ZNF771: variants seen among roughly 807,000 people sequenced by gnomAD.
The protein encoded by ZNF771 is zinc finger protein 771, also known as mesenchymal stem cell protein DSC43.
ZNF771 carries 10 observed loss-of-function variants against 27.6 expected under a neutral mutation model. The observed-to-expected ratio is 0.36, with a 90% CI of 0.22 to 0.61. The LOEUF (loss-of-function observed/expected upper bound fraction) is 0.61. ZNF771 is among the 20% of genes least tolerant of loss of function. The probability of loss-of-function intolerance (pLI) is 0.70; values close to 1 mark genes in which losing one functional copy is unlikely to be tolerated. For synonymous variants in ZNF771, 261 were observed against 225.2 expected (o/e 1.16, Z -1.43); for missense variants, 438 against 503.7 (o/e 0.87, Z 1.25).
chr16:30,413,669 A>C (rs1270527948), intron 2 of ZNF771: 1 of 369,052 alleles, frequency 2.7e-6, no homozygotes, highest in Non-Finnish European at 5.6e-6. Flanking sequence ...TCTTGGGCTC[A>C]AGTGATCCTC....
Position 30,408,066 on chromosome 16 carries a change from C to G in ZNF771, c.13C>G (p.Gln5Glu). The G allele has an allele frequency of 6.3e-7, 1 of 1,594,560 alleles. No individual in the cohort carries two copies. Among genetic ancestry groups the G allele is most frequent in the Non-Finnish European group, 8.5e-7 (1 of 1,170,812 alleles). The change falls in exon 2 of 3, where the codon CAG becomes GAG. Residue 5 changes from glutamine to glutamate, a missense_variant. By Grantham distance (29) the Gln-to-Glu change is conservative. Transcript: ENST00000319296. ...TCAGGACACCAAGATGCCTGGCGAA[C>G]AGCAGGCAGAGGAAGAGGAGGAGGA... MPGEQQAEEEEEEEM... is the reference protein window; with the variant it reads MPGEEQAEEEEEEEM...
intron 2 of ZNF771, among the ~76,000 whole-genome samples, chr16:30,411,752 C>T (rs2050104933): frequency 6.6e-6 from 1 of 152,138 alleles, no homozygotes; most frequent in African/African-American, 2.4e-5. Flanking sequence ...CGATCGTTAG[C>T]TTGCTGTGGG....
In ZNF771 at chr16:30,418,320, A is replaced by G; in HGVS notation, c.907A>G (p.Thr303Ala). Residue 303 changes from threonine to alanine, a missense_variant, in exon 3 of 3, where the codon ACG becomes GCG. Coordinates refer to ENST00000319296, the MANE Select transcript of ZNF771 (RefSeq NM_001142305.2). ...GGACTTCAAGCTGCCCCCTGGCGCC[A>G]CGGCCGCCACTGCCACCGAGCGTTG... ...GRDFKLPPGATAATATERCPE... is the reference protein window; with the variant it reads ...GRDFKLPPGAAAATATERCPE... The G allele has an allele frequency of 2.0e-6, 3 of 1,482,316 alleles. No individual in the cohort carries two copies. The highest frequency in any genetic ancestry group is 3.4e-4 in the Middle Eastern group (2 of 5,810). The allele number at this position is 1,482,316 out of a possible 1,614,324, so 91.8% of individuals were successfully genotyped here.
At chr16:30,410,775 T>A (rs1304199856) in intron 2 of ZNF771, among the ~76,000 whole-genome samples, 1 of 148,240 alleles carries the variant, frequency 6.7e-6, no homozygotes, top group Non-Finnish European at 1.5e-5. Context: ...ATCCTAGCAC[T>A]TTGGAAAGCC....
At chr16:30,415,439 A>G in intron 2 of ZNF771, among the ~76,000 whole-genome samples, 2 of 136,092 alleles carry the variant, frequency 1.5e-5, no homozygotes, top group Non-Finnish European at 3.0e-5. Flanking sequence ...GGCTGGAGGC[A>G]GTGGTGCAAT....
At chr16:30,411,615 G>A (rs939764255) in intron 2 of ZNF771, among the ~76,000 whole-genome samples, 3 of 152,190 alleles carry the variant, frequency 2.0e-5, no homozygotes, top group Non-Finnish European at 4.4e-5. Context: ...TGGGGTAATA[G>A]AGTAAGACCC....
At chr16:30,415,236 G>A (rs2050127292) in intron 2 of ZNF771, among the ~76,000 whole-genome samples, 1 of 151,926 alleles carries the variant, frequency 6.6e-6, no homozygotes, top group Admixed American at 6.6e-5. Flanking sequence ...GGGATTACAG[G>A]TGTGAACCAC....
At chr16:30,408,742 A>C (rs1413900835) in intron 2 of ZNF771, among the ~76,000 whole-genome samples, 1 of 152,180 alleles carries the variant, frequency 6.6e-6, no homozygotes, top group East Asian at 1.9e-4. Flanking sequence ...AGGATGGCTT[A>C]TGTGAGACTA....
At chr16:30,416,384 A>G (rs972940973) in intron 2 of ZNF771, among the ~76,000 whole-genome samples, 2 of 151,906 alleles carry the variant, frequency 1.3e-5, no homozygotes, top group African/African-American at 2.4e-5. Context: ...TCCCCTCTCA[A>G]CTTGCTCCTC....
At chr16:30,412,738 G>A (rs1345838159) in intron 2 of ZNF771, among the ~76,000 whole-genome samples, 1 of 152,044 alleles carries the variant, frequency 6.6e-6, no homozygotes, top group African/African-American at 2.4e-5. Flanking sequence ...GCTGCAGTGA[G>A]CCGTGATCAT....
At position 30,417,866 on chromosome 16, in the gene ZNF771, C is replaced by T; in HGVS notation, c.453C>T (p.His151=). ...HTGEKPYACA[H]CGRRFAQSSN... ...GCGAGAAGCCGTACGCATGCGCGCA[C>T]TGCGGCCGCCGCTTCGCGCAGAGCT... The change falls in exon 3 of 3, where the codon CAC becomes CAT. Residue 151 remains histidine, a synonymous_variant. Coordinates refer to ENST00000319296, the MANE Select transcript of ZNF771 (RefSeq NM_001142305.2). 1 of 1,503,600 alleles carries T rather than the reference C, an allele frequency of 6.7e-7. No individual in the cohort carries two copies. The highest frequency in any genetic ancestry group is 1.5e-5 in the African/African-American group (1 of 68,804). The allele number at this position is 1,503,600 out of a possible 1,614,324, so 93.1% of individuals were successfully genotyped here.
chr16:30,416,197 C>T (rs1024085478), intron 2 of ZNF771, among the ~76,000 whole-genome samples: 13 of 152,180 alleles, frequency 8.5e-5, no homozygotes, highest in Admixed American at 6.5e-4. Context: ...CCTGGCTTCT[C>T]CCCATCTTGC....
chr16:30,409,191 G>T (rs1276420980), intron 2 of ZNF771, among the ~76,000 whole-genome samples: 2 of 150,416 alleles, frequency 1.3e-5, no homozygotes, highest in South Asian at 2.1e-4. Flanking sequence ...GGCCAGACTG[G>T]TCTCAAACTC....
intron 2 of ZNF771, among the ~76,000 whole-genome samples, chr16:30,413,275 A>ATGCTTG (rs1156650962): frequency 6.6e-6 from 1 of 152,220 alleles, no homozygotes; most frequent in African/African-American, 2.4e-5. Flanking sequence ...GTAGAATTTA[A>ATGCTTG]GACATGCTTG....
chr16:30,410,483 G>A (rs1356243087), intron 2 of ZNF771, among the ~76,000 whole-genome samples: 1 of 151,978 alleles, frequency 6.6e-6, no homozygotes, highest in Non-Finnish European at 1.5e-5. Context: ...ACAGAGGATT[G>A]AAGACAAACG....
chr16:30,408,616 C>G lies in ZNF771; in HGVS notation c.141+422C>G, dbSNP rs1001382395. On this transcript the variant is annotated intron_variant, in intron 2 of 2. Coordinates refer to ENST00000319296, the MANE Select transcript of ZNF771 (RefSeq NM_001142305.2). ...CCCTTGCCTAGCATTTTCTATGTGCCAGGCACTGTTCTAAGCACCTCGATT... is the reference window on the plus strand; with the variant it reads ...CCCTTGCCTAGCATTTTCTATGTGCGAGGCACTGTTCTAAGCACCTCGATT... Among the ~76,000 whole-genome samples the G allele has an allele frequency of 5.9e-5, 9 of 152,288 alleles. No homozygotes were observed. The East Asian group carries it at 1.7e-3, about 29-fold the overall frequency.
Position 30,417,941 on chromosome 16 carries a change from G to GC in ZNF771, c.528_529insC (p.Cys177LeufsTer139). The GC allele has an allele frequency of 6.6e-7, 1 of 1,506,604 alleles. No individual in the cohort carries two copies. The allele number at this position is 1,506,604 out of a possible 1,614,324, so 93.3% of individuals were successfully genotyped here. A position where few individuals can be genotyped will look rare whatever the true frequency, so the allele number is the denominator to read the frequency against. ...TGCACACGGGCGAGAAGCCGTACGCGTGCCCGGACTGCGGACGCGCCTTTG... is the reference window on the plus strand; with the variant it reads ...TGCACACGGGCGAGAAGCCGTACGCGCTGCCCGGACTGCGGACGCGCCTTTG... On this transcript the variant is annotated frameshift_variant, in exon 3 of 3. Coordinates refer to ENST00000319296, the MANE Select transcript of ZNF771 (RefSeq NM_001142305.2). LOFTEE classifies it high-confidence loss of function.
Position 30,418,146 on chromosome 16 carries a change from A to T in ZNF771, c.733A>T (p.Asn245Tyr). 1 of 1,474,976 alleles carries T rather than the reference A, an allele frequency of 6.8e-7. No homozygotes were observed. Among genetic ancestry groups the T allele is most frequent in the Non-Finnish European group, 8.9e-7 (1 of 1,119,990 alleles). 91.4% of individuals were successfully genotyped at this position (1,474,976 alleles called of 1,614,324 possible). ...TGGCCGTCGCTTCGGCCACCGCTCC[A>T]ACCTGGCGGAGCACGCGCGCACGCA... ...VCGRRFGHRS[N>Y]LAEHARTHTG... is the part of the protein sequence containing the mutation. The change falls in exon 3 of 3, where the codon AAC becomes TAC. Residue 245 changes from asparagine (N) to tyrosine (Y), a missense_variant. By Grantham distance (143) the Asn-to-Tyr change is moderately radical. This residue lies in a region of ZNF771 where 305 missense variants were observed against 308.0 expected (regional missense o/e 0.99). Coordinates refer to ENST00000319296, the MANE Select transcript of ZNF771 (RefSeq NM_001142305.2).
At chr16:30,413,160 C>T (rs1370554653) in intron 2 of ZNF771, among the ~76,000 whole-genome samples, 1 of 152,124 alleles carries the variant, frequency 6.6e-6, no homozygotes, top group Non-Finnish European at 1.5e-5. Flanking sequence ...AAATCACTAA[C>T]TTCTAATACC....
Sources: allele counts gnomAD v4.1 joint callset (sites outside exome capture counted in the v4.1 genomes callset), GRCh38; gene constraint gnomAD v4.1.1; regional missense constraint gnomAD v4.1.1; transcripts MANE v1.5; gene names NCBI Gene and HGNC (gene_info 2026-07-23, HGNC 2026-07-21).